The following PPP2R2A variants were observed in gnomAD, a reference collection of about 807,000 sequenced individuals.
The protein encoded by PPP2R2A is serine/threonine-protein phosphatase 2A 55 kDa regulatory subunit B alpha isoform.
PPP2R2A carries 9 observed loss-of-function variants against 53.2 expected under a neutral mutation model. The observed-to-expected ratio is 0.17, with a 90% CI of 0.10 to 0.30. PPP2R2A has a LOEUF of 0.30. Among genes scored for constraint, PPP2R2A ranks in the 10% least tolerant of loss-of-function variants. PPP2R2A has a pLI of 1.00. For synonymous variants in PPP2R2A, 169 were observed against 174.2 expected (o/e 0.97, Z 0.23); for missense variants, 235 against 534.6 (o/e 0.44, Z 5.53).
At chr8:26,296,857 C>T (rs1346424244) in intron 2 of PPP2R2A, among the ~76,000 whole-genome samples, 1 of 152,148 alleles carries the variant, frequency 6.6e-6, no homozygotes, top group African/African-American at 2.4e-5. Context: ...ATTTAAAACG[C>T]TTTCTGCAGA....
rs1804661604 is a variant in PPP2R2A at position 26,354,219 on chromosome 8, CA to C, written c.181-248del. 3.9e-5 allele frequency among the ~76,000 whole-genome samples: 6 copies of C among 152,038 alleles called. No homozygotes were observed. The South Asian group carries it at 1.3e-3, about 32-fold the overall frequency. ...GAGTAAATTAGCAATCAAATTGATC[CA>C]TATTTAACGTCATTATTTCCCTAAT... is the stretch of plus-strand genomic sequence containing the variant. On this transcript the variant is annotated intron_variant, in intron 3 of 9. Coordinates refer to ENST00000380737, the MANE Select transcript of PPP2R2A (RefSeq NM_002717.4). The surrounding 1 kb of genome is among the most constrained non-coding windows in gnomAD (Gnocchi z 4.6).
chr8:26,355,944 T>C (rs1325503222), intron 4 of PPP2R2A, among the ~76,000 whole-genome samples: 1 of 152,158 alleles, frequency 6.6e-6, no homozygotes, highest in Middle Eastern at 3.2e-3. Flanking sequence ...TGCTTTCTCT[T>C]TGTTCTTATG....
At chr8:26,323,474 G>A (rs138624791) in intron 2 of PPP2R2A, among the ~76,000 whole-genome samples, 387 of 152,308 alleles carry the variant, frequency 2.5e-3, no homozygotes, top group African/African-American at 8.8e-3. Context: ...TCCAATGCCA[G>A]TTGGAAGCCC....
chr8:26,325,895 G>A (rs899944115), intron 2 of PPP2R2A, among the ~76,000 whole-genome samples: 4 of 152,106 alleles, frequency 2.6e-5, no homozygotes, highest in South Asian at 4.1e-4. Context: ...GTGTGGTGGC[G>A]TGAGATCTTG....
intron 2 of PPP2R2A, among the ~76,000 whole-genome samples, chr8:26,297,360 G>T (rs1215254378): frequency 1.3e-5 from 2 of 151,938 alleles, no homozygotes; most frequent in Non-Finnish European, 2.9e-5. Flanking sequence ...CACCTGCCTC[G>T]GCCTCCCAAA....
intron 4 of PPP2R2A, among the ~76,000 whole-genome samples, chr8:26,358,571 A>G (rs972960446): frequency 2.0e-5 from 3 of 152,150 alleles, no homozygotes; most frequent in African/African-American, 4.8e-5. Context: ...AGGGGCAACT[A>G]TCATTCTTCT....
At chr8:26,305,902 T>C (rs1251894539) in intron 2 of PPP2R2A, among the ~76,000 whole-genome samples, 2 of 152,228 alleles carry the variant, frequency 1.3e-5, no homozygotes, top group Non-Finnish European at 2.9e-5. Flanking sequence ...TCTAAGACCA[T>C]AAATTTGTCT....
chr8:26,348,140 G>A (rs1382458562), intron 3 of PPP2R2A, among the ~76,000 whole-genome samples: 1 of 152,116 alleles, frequency 6.6e-6, no homozygotes, highest in Non-Finnish European at 1.5e-5. Flanking sequence ...TTAATAAACA[G>A]TAAGTTTTAG....
intron 4 of PPP2R2A, among the ~76,000 whole-genome samples, chr8:26,355,396 C>T (rs1330523171): frequency 2.0e-5 from 3 of 152,170 alleles, no homozygotes; most frequent in Non-Finnish European, 4.4e-5. Flanking sequence ...AGTGCCACCA[C>T]ACCCGGCTAA....
At chr8:26,363,047 A>G (rs904159018) in intron 7 of PPP2R2A, 199 bp downstream of exon 7, 9 of 532,736 alleles carry the variant, frequency 1.7e-5, no homozygotes, top group Admixed American at 1.3e-4. Flanking sequence ...GGGCATGTCT[A>G]TTGATTGCCA....
intron 2 of PPP2R2A, among the ~76,000 whole-genome samples, chr8:26,337,494 A>G (rs570503435): frequency 6.6e-6 from 1 of 152,330 alleles, no homozygotes; most frequent in African/African-American, 2.4e-5. Flanking sequence ...CTTTAAGTGC[A>G]GGGACTTTGT....
intron 3 of PPP2R2A, among the ~76,000 whole-genome samples, chr8:26,349,061 C>A (rs1804360959): frequency 6.6e-6 from 1 of 151,896 alleles, no homozygotes; most frequent in Admixed American, 6.6e-5. Context: ...CATACTCCAT[C>A]TTATAACTTA....
At chr8:26,357,322 T>A (rs1804841874) in intron 4 of PPP2R2A, among the ~76,000 whole-genome samples, 1 of 135,754 alleles carries the variant, frequency 7.4e-6, no homozygotes, top group Admixed American at 7.7e-5. Flanking sequence ...ATAAAAACTA[T>A]ATCTGTGGGA....
At chr8:26,357,968 C>G (rs901947045) in intron 4 of PPP2R2A, among the ~76,000 whole-genome samples, 3 of 151,866 alleles carry the variant, frequency 2.0e-5, no homozygotes, top group Admixed American at 6.6e-5. Flanking sequence ...TCTTATGGGC[C>G]AAAAACTCCA....
chr8:26,299,947 C>T (rs1028718588), intron 2 of PPP2R2A, among the ~76,000 whole-genome samples: 1 of 152,172 alleles, frequency 6.6e-6, no homozygotes, highest in South Asian at 2.1e-4. Context: ...TGACATGTGA[C>T]ACTTCTTTTT....
chr8:26,305,141 T>C (rs1452414638), intron 2 of PPP2R2A, among the ~76,000 whole-genome samples: 1 of 152,198 alleles, frequency 6.6e-6, no homozygotes, highest in Non-Finnish European at 1.5e-5. Context: ...TTGACTGCTT[T>C]AGATTCCTCC....
chr8:26,334,234 A>G (rs1803537019), intron 2 of PPP2R2A, among the ~76,000 whole-genome samples: 1 of 152,186 alleles, frequency 6.6e-6, no homozygotes. Flanking sequence ...GTGATAGGAC[A>G]GATTTTTCCT....
At position 26,363,792 on chromosome 8, in the gene PPP2R2A, A is replaced by G. The variant is rs750734157; in HGVS notation, c.874A>G (p.Lys292Glu). The change falls in exon 8 of 10, where the codon AAA (lysine) becomes GAA (glutamate). Residue 292 changes from lysine (K) to glutamate (E), a missense_variant. By Grantham distance (56) the Lys-to-Glu change is moderately conservative. Transcript: ENST00000380737. ...SEIISSISDV[K>E]FSHSGRYMMT... Reference sequence around the variant, plus strand: ...AATCATCTCCTCTATTTCGGATGTAAAATTCAGCCATAGTGGTCGATATAT... The same window carrying G: ...AATCATCTCCTCTATTTCGGATGTAGAATTCAGCCATAGTGGTCGATATAT... 1 of 1,608,966 alleles carries G rather than the reference A, an allele frequency of 6.2e-7. No individual in the cohort carries two copies.
intron 1 of PPP2R2A, chr8:26,292,054 G>C (rs1194288636): frequency 1.6e-6 from 2 of 1,239,034 alleles, no homozygotes; most frequent in African/African-American, 3.2e-5. Flanking sequence ...CGTGGCGGGG[G>C]TGGGGGTGGG....
Sources: gnomAD v4.1 joint callset for allele counts (sites outside exome capture counted in the v4.1 genomes callset) on GRCh38, gnomAD v4.1.1 for gene constraint, Gnocchi (gnomAD v3.1) non-coding constraint, MANE v1.5 for transcripts, NCBI Gene and HGNC (gene_info 2026-07-23, HGNC 2026-07-21) for gene names.